The following PAM variants were observed in gnomAD, a reference collection of about 807,000 sequenced individuals.
The protein encoded by PAM is peptidylglycine alpha-amidating monooxygenase.
A neutral mutation model predicts 122.1 loss-of-function variants in PAM; 72 were observed. That is an observed-to-expected ratio of 0.59 (90% CI 0.49 to 0.72). The LOEUF is 0.72. PAM is among the 30% of genes least tolerant of loss of function. PAM has a pLI of 0.00. For missense variants in PAM, 1,106 were observed against 1,183.7 expected, an observed-to-expected ratio of 0.93 and a Z score of 0.96; for synonymous variants, 389 against 404.4, an observed-to-expected ratio of 0.96 and a Z score of 0.46.
rs143316246 is a variant in PAM, at chr5:102,934,579, A to G, written c.526+7911A>G. Reference sequence around the variant, plus strand: ...TTTCTCTCCCTGACTCCCATTTCCAATTTCTCTGGTATGCTTTGATGGGGA... The same window carrying G: ...TTTCTCTCCCTGACTCCCATTTCCAGTTTCTCTGGTATGCTTTGATGGGGA... On this transcript the variant is annotated intron_variant, in intron 7 of 25. Coordinates refer to ENST00000438793, the MANE Select transcript of PAM (RefSeq NM_001177306.2). Among the ~76,000 whole-genome samples the G allele has an allele frequency of 8.4e-4, 128 of 152,102 alleles. 2 individuals carry two copies. In the East Asian group the frequency reaches 0.017, roughly 20 times the overall value.
intron 3 of PAM, among the ~76,000 whole-genome samples, chr5:102,872,945 A>G (rs1428377239): frequency 6.6e-6 from 1 of 152,142 alleles, no homozygotes; most frequent in Non-Finnish European, 1.5e-5. Flanking sequence ...GAGGGAAAGG[A>G]TTTAAAAACT....
At chr5:102,933,402 C>T (rs1752227993) in intron 7 of PAM, among the ~76,000 whole-genome samples, 1 of 152,220 alleles carries the variant, frequency 6.6e-6, no homozygotes, top group Non-Finnish European at 1.5e-5. Context: ...AACACTGCAG[C>T]CTGGACTTTG....
chr5:102,944,141 A>C (rs1756200204), intron 7 of PAM, among the ~76,000 whole-genome samples: 1 of 152,180 alleles, frequency 6.6e-6, no homozygotes, highest in African/African-American at 2.4e-5. Flanking sequence ...TTGTACATGC[A>C]TATGACATTA....
rs1169949930 is a variant in PAM, at chr5:103,029,571, TAAAA to T, written c.*509_*512del. 1 of 152,654 alleles carries T rather than the reference TAAAA, an allele frequency of 6.6e-6. No homozygotes were observed. The highest frequency in any genetic ancestry group is 1.5e-5 in the Non-Finnish European group (1 of 68,058). 9.5% of individuals were successfully genotyped at this position (152,654 alleles called of 1,614,324 possible). A position where few individuals can be genotyped will look rare whatever the true frequency, so the allele number is the denominator to read the frequency against. ...TAACATTATATTGCAATGAAGGAAA[TAAAA>T]AAGTCTCTATTTAAATTCTTTTTTA... On this transcript the variant is annotated 3_prime_UTR_variant, in exon 26 of 26. Transcript: ENST00000438793.
chr5:102,762,297 G>T (rs757373291), intron 1 of PAM, among the ~76,000 whole-genome samples: 40 of 152,148 alleles, frequency 2.6e-4, no homozygotes, highest in Non-Finnish European at 4.6e-4. Context: ...GCATGAAATT[G>T]GAAATACTCA....
intron 1 of PAM, among the ~76,000 whole-genome samples, chr5:102,812,815 G>T (rs1379169088): frequency 2.0e-5 from 3 of 151,900 alleles, no homozygotes; most frequent in Non-Finnish European, 2.9e-5. Flanking sequence ...TAATGAAATA[G>T]CAATCTATCA....
chr5:103,027,200 C>T (rs534616018), intron 24 of PAM, among the ~76,000 whole-genome samples: 1 of 152,170 alleles, frequency 6.6e-6, no homozygotes, highest in Non-Finnish European at 1.5e-5. Context: ...GACTCCATAT[C>T]AGACACTGTG....
chr5:102,861,384 A>T (rs1466896797), intron 1 of PAM, among the ~76,000 whole-genome samples: 1 of 152,260 alleles, frequency 6.6e-6, no homozygotes, highest in Non-Finnish European at 1.5e-5. Context: ...TACTCCTGCC[A>T]AAGATACATA....
chr5:102,824,876 T>A (rs916172487), intron 1 of PAM, among the ~76,000 whole-genome samples: 8 of 152,170 alleles, frequency 5.3e-5, no homozygotes, highest in African/African-American at 1.7e-4. Context: ...ATAGTTAGCA[T>A]ATTATTGCCA....
intron 3 of PAM, among the ~76,000 whole-genome samples, chr5:102,882,566 G>T (rs999689195): frequency 6.6e-6 from 1 of 151,660 alleles, no homozygotes; most frequent in Non-Finnish European, 1.5e-5. Flanking sequence ...TTTTTGATGG[G>T]ACTTTTTGTT....
chr5:102,926,727 A>C, intron 7 of PAM, 59 bp downstream of exon 7: 1 of 845,046 alleles, frequency 1.2e-6, no homozygotes, highest in Non-Finnish European at 2.0e-6. Context: ...TTTAAAATAC[A>C]TGCACAAACT....
At chr5:102,976,709 A>ATGAGC (rs1562105168) in intron 15 of PAM, among the ~76,000 whole-genome samples, 1 of 152,212 alleles carries the variant, frequency 6.6e-6, no homozygotes, top group African/African-American at 2.4e-5. Context: ...CTGTTGCTTA[A>ATGAGC]TATTATAGCT....
chr5:102,813,418 G>A (rs1012163555), intron 1 of PAM, among the ~76,000 whole-genome samples: 2 of 152,166 alleles, frequency 1.3e-5, no homozygotes, highest in East Asian at 3.9e-4. Flanking sequence ...AAGTCATGCA[G>A]CAAGTGAGCA....
chr5:102,796,250 T>C (rs1412559404), intron 1 of PAM, among the ~76,000 whole-genome samples: 8 of 152,124 alleles, frequency 5.3e-5, no homozygotes. Flanking sequence ...GAAGTCAGTC[T>C]CCAAAGGTCA....
intron 1 of PAM, among the ~76,000 whole-genome samples, chr5:102,810,405 G>A (rs529727688): frequency 2.0e-5 from 3 of 152,262 alleles, no homozygotes; most frequent in East Asian, 3.9e-4. Flanking sequence ...GCTCTAATAA[G>A]GATGTTTTAA....
Position 102,899,351 on chromosome 5 carries a change from TA to T in PAM, c.211-2002del, listed in dbSNP as rs200038242. Among the ~76,000 whole-genome samples, 1,007 of 151,748 alleles carry T rather than the reference TA, an allele frequency of 6.6e-3. 8 individuals carry two copies. The highest frequency in any genetic ancestry group is 0.012 in the Non-Finnish European group (839 of 67,724). The stretch of plus-strand genomic sequence containing the variant: ...TGTGACCATCATTGACTTAATTTTT[TA>T]AATCAAGAACCAACTTGCTGAATTT... On this transcript the variant is annotated intron_variant, in intron 3 of 25. Transcript: ENST00000438793.
chr5:102,968,234 A>C (rs72783900), intron 14 of PAM, among the ~76,000 whole-genome samples: 31 of 152,274 alleles, frequency 2.0e-4, no homozygotes, highest in Non-Finnish European at 4.3e-4. Context: ...AAGATTGATA[A>C]GTTTGAGAAG....
intron 12 of PAM, among the ~76,000 whole-genome samples, chr5:102,954,896 A>G (rs1326488588): frequency 2.6e-5 from 4 of 152,106 alleles, no homozygotes; most frequent in African/African-American, 4.8e-5. Flanking sequence ...TCATTAAAAT[A>G]TGAATGTTCA....
chr5:103,027,389 C>T (rs1785255424), intron 24 of PAM, among the ~76,000 whole-genome samples: 1 of 152,174 alleles, frequency 6.6e-6, no homozygotes, highest in African/African-American at 2.4e-5. Context: ...GACTTCAGTC[C>T]TGGTTAAAGA....
Sources: allele counts gnomAD v4.1 joint callset (sites outside exome capture counted in the v4.1 genomes callset), GRCh38; gene constraint gnomAD v4.1.1; transcripts MANE v1.5; gene names NCBI Gene and HGNC (gene_info 2026-07-23, HGNC 2026-07-21).